The following MEGF8 variants were observed in gnomAD, a reference collection of about 807,000 sequenced individuals.
MEGF8 encodes multiple EGF like domains 8.
A neutral mutation model predicts 302.9 loss-of-function variants in MEGF8; 156 were observed. The ratio of observed to expected loss-of-function variants is 0.52; its 90% confidence interval spans 0.45 to 0.59. MEGF8 has a LOEUF of 0.59. Ranked by LOEUF, MEGF8 falls within the 20% of genes least tolerant of loss-of-function variation. The probability of loss-of-function intolerance (pLI) is 0.00; values close to 1 mark genes in which losing one functional copy is unlikely to be tolerated. For missense variants in MEGF8, 3,345 were observed against 3,964.5 expected (o/e 0.84, Z 4.20); for synonymous variants, 1,621 against 1,660.5 (o/e 0.98, Z 0.58).
chr19:42,354,511 A>T lies in MEGF8; in HGVS notation c.4012-77A>T. 1.3e-6 allele frequency: 2 copies of T among 1,514,958 alleles called. No homozygotes were observed. Among genetic ancestry groups the T allele is most frequent in the Non-Finnish European group, 1.8e-6 (2 of 1,118,398 alleles). The allele number at this position is 1,514,958 out of a possible 1,614,324, so 93.8% of individuals were successfully genotyped here. On this transcript the variant is annotated intron_variant, in intron 22 of 41. Coordinates refer to ENST00000251268, the MANE Select transcript of MEGF8 (RefSeq NM_001271938.2). The surrounding 1 kb of genome is among the most constrained non-coding windows in gnomAD (Gnocchi z 4.3). Reference sequence around the variant, plus strand: ...AGTCTCAGATTGCCCTCCCCTCTTGAACCCCTCCTCCTCCCAGACCCCAGG... The same window carrying T: ...AGTCTCAGATTGCCCTCCCCTCTTGTACCCCTCCTCCTCCCAGACCCCAGG...
At chr19:42,340,058 CA>C (rs1036620955) in intron 8 of MEGF8, among the ~76,000 whole-genome samples, 2 of 151,612 alleles carry the variant, frequency 1.3e-5, no homozygotes, top group African/African-American at 2.4e-5. Context: ...ATTCCGTCCC[CA>C]AAAAAACAAA....
chr19:42,335,403 G>A lies in MEGF8; in HGVS notation c.828+18G>A. ...CTGCCCCGGTATGGACCCCTCCTCT[G>A]CCCTGGAGGAGCCTTTCCACTCAAT... On this transcript the variant is annotated intron_variant, in intron 5 of 41. Coordinates refer to ENST00000251268, the MANE Select transcript of MEGF8 (RefSeq NM_001271938.2). 6.2e-7 allele frequency: 1 copy of A among 1,609,488 alleles called. No homozygotes were observed. Among genetic ancestry groups the A allele is most frequent in the South Asian group, 1.1e-5 (1 of 90,994 alleles).
In MEGF8 at chr19:42,356,701, C is replaced by T; in HGVS notation, c.4623-73C>T. On this transcript the variant is annotated intron_variant, in intron 26 of 41. Coordinates refer to ENST00000251268, the MANE Select transcript of MEGF8 (RefSeq NM_001271938.2). This position sits in a 1 kb window ranked among gnomAD's most constrained non-coding sequence, Gnocchi z 5.2. The stretch of plus-strand genomic sequence containing the variant: ...GTCACCCCAGGGGATGCGGGGACAT[C>T]TGTCAGGCAGGGTCACCTTGAAGGA... 1 of 1,441,720 alleles carries T rather than the reference C, an allele frequency of 6.9e-7. No homozygotes were observed. The highest frequency in any genetic ancestry group is 1.4e-5 in the South Asian group (1 of 73,246). 89.3% of individuals were successfully genotyped at this position (1,441,720 alleles called of 1,614,324 possible). A position where few individuals can be genotyped will look rare whatever the true frequency, so the allele number is the denominator to read the frequency against.
chr19:42,373,669 T>G (rs961604365), intron 41 of MEGF8, among the ~76,000 whole-genome samples: 1 of 151,260 alleles, frequency 6.6e-6, no homozygotes, highest in African/African-American at 2.4e-5. Flanking sequence ...GTGTTGGGAT[T>G]CTAGGCGTGA....
Position 42,353,377 on chromosome 19 carries a change from G to T in MEGF8, c.3551-88G>T, listed in dbSNP as rs2039404475. The stretch of plus-strand genomic sequence containing the variant: ...TGGTTTCTCACCTTTGAAGCGGCTG[G>T]GTGGGGTCAGGGTTTAGCTGAGCCA... On this transcript the variant is annotated intron_variant, in intron 20 of 41. Coordinates refer to ENST00000251268, the MANE Select transcript of MEGF8 (RefSeq NM_001271938.2). The surrounding 1 kb of genome is among the most constrained non-coding windows in gnomAD (Gnocchi z 6.1). 2 of 1,432,842 alleles carry T rather than the reference G, an allele frequency of 1.4e-6. No homozygotes were observed. Among genetic ancestry groups the T allele is most frequent in the East Asian group, 4.9e-5 (2 of 40,620 alleles). The allele number at this position is 1,432,842 out of a possible 1,614,324, so 88.8% of individuals were successfully genotyped here. A position where few individuals can be genotyped will look rare whatever the true frequency, so the allele number is the denominator to read the frequency against.
Position 42,357,589 on chromosome 19 carries a change from G to C in MEGF8, c.5011+5G>C, listed in dbSNP as rs751056755. 2.5e-6 allele frequency: 4 copies of C among 1,592,294 alleles called. No individual in the cohort carries two copies. The Admixed American group carries it at 7.1e-5, about 28-fold the overall frequency. ...AGAGTGGGACACCCCCCACAGGTGG[G>C]GCTGGGGACCGGGAGGGGACAGCCC... On this transcript the variant is annotated splice_donor_5th_base_variant and intron_variant, in intron 28 of 41. Transcript: ENST00000251268. This position sits in a 1 kb window ranked among gnomAD's most constrained non-coding sequence, Gnocchi z 5.2.
chr19:42,344,064 C>T lies in MEGF8; in HGVS notation c.1779C>T (p.Pro593=). The T allele has an allele frequency of 6.2e-7, 1 of 1,613,326 alleles. No homozygotes were observed. Among genetic ancestry groups the T allele is most frequent in the Admixed American group, 1.7e-5 (1 of 59,996 alleles). Residue 593 remains proline (P), a synonymous_variant, in exon 10 of 42, where the codon CCC becomes CCT. Coordinates refer to ENST00000251268, the MANE Select transcript of MEGF8 (RefSeq NM_001271938.2). The surrounding 1 kb of genome is among the most constrained non-coding windows in gnomAD (Gnocchi z 4.5). ...AAGCTGCACCCCCTCCTGGGACCCC[C>T]TTGGGGGCTGTGAGTGACAGCCCTA... ...ACQAAPPPGT[P]LGACPAASCL...
At chr19:42,337,846 C>T (rs930140100) in intron 8 of MEGF8, among the ~76,000 whole-genome samples, 3 of 151,812 alleles carry the variant, frequency 2.0e-5, no homozygotes, top group Admixed American at 6.6e-5. Flanking sequence ...CTCCGTCGCC[C>T]GGGCTAGAGT....
intron 13 of MEGF8, 73 bp from the exon 14 acceptor site, chr19:42,349,426 G>A: frequency 7.3e-7 from 1 of 1,366,184 alleles, no homozygotes; most frequent in Non-Finnish European, 1.0e-6. Flanking sequence ...GGGTGGGTTT[G>A]GAGGTATCAG....
Position 42,353,276 on chromosome 19 carries a change from T to G in MEGF8, c.3550+149T>G. The stretch of plus-strand genomic sequence containing the variant: ...CATTCCTGTTCCTGACTCAAACAGG[T>G]TTCAGTGCCACCCGTCACTCTGGTT... On this transcript the variant is annotated intron_variant, in intron 20 of 41. Coordinates refer to ENST00000251268, the MANE Select transcript of MEGF8 (RefSeq NM_001271938.2). This position sits in a 1 kb window ranked among gnomAD's most constrained non-coding sequence, Gnocchi z 6.1. The G allele has an allele frequency of 9.7e-7, 1 of 1,030,692 alleles. No homozygotes were observed. The allele number at this position is 1,030,692 out of a possible 1,614,324, so 63.8% of individuals were successfully genotyped here. A position where few individuals can be genotyped will look rare whatever the true frequency, so the allele number is the denominator to read the frequency against.
intron 1 of MEGF8, among the ~76,000 whole-genome samples, chr19:42,329,952 T>C (rs375217272): frequency 3.3e-5 from 5 of 152,222 alleles, no homozygotes; most frequent in East Asian, 1.9e-4. Context: ...TCCTAGACTT[T>C]TTTTTTCCGA....
In MEGF8 at chr19:42,351,568, C is replaced by A. The variant is rs199625386; in HGVS notation, c.2987+8C>A. 1.2e-6 allele frequency: 2 copies of A among 1,607,686 alleles called. No individual in the cohort carries two copies. Among genetic ancestry groups the A allele is most frequent in the South Asian group, 1.1e-5 (1 of 89,728 alleles). On this transcript the variant is annotated splice_region_variant and intron_variant, in intron 17 of 41. Coordinates refer to ENST00000251268, the MANE Select transcript of MEGF8 (RefSeq NM_001271938.2). The surrounding 1 kb of genome is among the most constrained non-coding windows in gnomAD (Gnocchi z 5.6). ...TCGAGGCTGGGACGACAGGTATGGT[C>A]CCTGGGGCAGGGCTAACAGAGGAAG...
At position 42,377,786 on chromosome 19, in the gene MEGF8, C is replaced by T. The variant is rs1251589985; in HGVS notation, c.*1011C>T. The T allele has an allele frequency of 8.9e-6, 1 of 112,372 alleles. No individual in the cohort carries two copies. Among genetic ancestry groups the T allele is most frequent in the African/African-American group, 3.4e-5 (1 of 29,564 alleles). The allele number at this position is 112,372 out of a possible 1,614,324, so 7.0% of individuals were successfully genotyped here. ...TGGGTGACAGAGCGAGACTCCACCT[C>T]AAAAAAAAAAAAAAAATTTAAGAGG... On this transcript the variant is annotated 3_prime_UTR_variant, in exon 42 of 42. Transcript: ENST00000251268.
At chr19:42,328,302 G>C (rs1294900288) in intron 1 of MEGF8, among the ~76,000 whole-genome samples, 1 of 152,186 alleles carries the variant, frequency 6.6e-6, no homozygotes, top group African/African-American at 2.4e-5. Flanking sequence ...GGAGGTCCTG[G>C]GCAAAGGCCA....
chr19:42,356,097 C>A lies in MEGF8; in HGVS notation c.4407C>A (p.Cys1469Ter). 2.5e-6 allele frequency: 4 copies of A among 1,588,626 alleles called. No individual in the cohort carries two copies. Among genetic ancestry groups the A allele is most frequent in the Non-Finnish European group, 3.4e-6 (4 of 1,165,406 alleles). ...TCATCCCCCAGAGCCTGGGTGTGTGCATCTGTGCCGAGGGCTTCGGGGGCC... is the reference window on the plus strand; with the variant it reads ...TCATCCCCCAGAGCCTGGGTGTGTGAATCTGTGCCGAGGGCTTCGGGGGCC... Reference protein sequence around the residue: ...AGTCNQSLGVCICAEGFGGPD... With the variant: ...AGTCNQSLGV The change falls in exon 25 of 42, where the codon TGC becomes TGA. Residue 1469 changes from cysteine to a stop codon, truncating the protein, a stop_gained. Coordinates refer to ENST00000251268, the MANE Select transcript of MEGF8 (RefSeq NM_001271938.2). LOFTEE classifies it high-confidence loss of function. The surrounding 1 kb of genome is among the most constrained non-coding windows in gnomAD (Gnocchi z 5.2).
chr19:42,328,209 A>G (rs1676221), intron 1 of MEGF8, among the ~76,000 whole-genome samples: 12,512 of 152,262 alleles, frequency 0.082, 647 homozygotes, highest in Middle Eastern at 0.17. Context: ...TACAGGGGTG[A>G]AAGAGAAGTT....
intron 32 of MEGF8, 54 bp from the exon 33 acceptor site, chr19:42,362,036 G>T: frequency 6.3e-7 from 1 of 1,597,488 alleles, no homozygotes. Flanking sequence ...TGTCTGGGAG[G>T]CAGAAGGAGG....
At position 42,335,148 on chromosome 19, in the gene MEGF8, C is replaced by G. The variant is rs761471557; in HGVS notation, c.672C>G (p.Ala224=). The G allele has an allele frequency of 6.2e-7, 1 of 1,613,942 alleles. No homozygotes were observed. The highest frequency in any genetic ancestry group is 2.2e-5 in the East Asian group (1 of 44,878). Residue 224 remains alanine, a synonymous_variant, in exon 4 of 42, where the codon GCC becomes GCG. Coordinates refer to ENST00000251268, the MANE Select transcript of MEGF8 (RefSeq NM_001271938.2). ...WWHNVSARDP[A]FSARIGAAGA... Reference sequence around the variant, plus strand: ...ACAACGTGAGTGCCAGGGACCCTGCCTTCTCTGCCCGTATTGGGGCAGCTG... The same window carrying G: ...ACAACGTGAGTGCCAGGGACCCTGCGTTCTCTGCCCGTATTGGGGCAGCTG...
intron 1 of MEGF8, 118 bp downstream of exon 1, chr19:42,326,548 C>T: frequency 7.1e-7 from 1 of 1,413,304 alleles, no homozygotes; most frequent in Non-Finnish European, 9.2e-7. Context: ...CTCTAAAATG[C>T]CTGACACCCA....
Sources: gnomAD v4.1 joint callset for allele counts (sites outside exome capture counted in the v4.1 genomes callset) on GRCh38, gnomAD v4.1.1 for gene constraint, Gnocchi (gnomAD v3.1) non-coding constraint, MANE v1.5 for transcripts, NCBI Gene and HGNC (gene_info 2026-07-23, HGNC 2026-07-21) for gene names.